The following HEATR1 variants were observed in gnomAD, a reference collection of about 807,000 sequenced individuals.
The protein encoded by HEATR1 is HEAT repeat containing 1.
A neutral mutation model predicts 248.2 loss-of-function variants in HEATR1; 77 were observed. That is an observed-to-expected ratio of 0.31 (90% CI 0.26 to 0.37). The LOEUF is 0.37. HEATR1 is among the 10% of genes least tolerant of loss of function. The pLI is 1.00. For missense variants in HEATR1, 2,420 were observed against 2,504.9 expected (o/e 0.97, Z 0.72); for synonymous variants, 897 against 923.1 (o/e 0.97, Z 0.51).
rs755402822 is a variant in HEATR1 at position 236,583,152 on chromosome 1, C to T, written c.2286G>A (p.Gly762=). 6.2e-7 allele frequency: 1 copy of T among 1,613,270 alleles called. No individual in the cohort carries two copies. The highest frequency in any genetic ancestry group is 1.7e-5 in the Admixed American group (1 of 59,716). ...EWHIELMLDR[G]IPVELWAHYV... ...AATGTGCCCACAGCTCCACTGGGAT[C>T]CCTCTGTCTAACATCAGTTCAATGT... Residue 762 remains glycine (G), a synonymous_variant, in exon 18 of 45, where the codon GGG becomes GGA. Transcript: ENST00000366582.
intron 31 of HEATR1, among the ~76,000 whole-genome samples, chr1:236,565,377 G>C (rs527417141): frequency 6.6e-6 from 1 of 152,258 alleles, no homozygotes; most frequent in African/African-American, 2.4e-5. Context: ...GGCTGGTCTT[G>C]AACTGCGCTA....
chr1:236,557,420 G>A (rs1663008244), intron 36 of HEATR1, 75 bp from the exon 37 acceptor site: 1 of 1,491,814 alleles, frequency 6.7e-7, no homozygotes. Flanking sequence ...AGGGCATTAT[G>A]AAAAAAACCA....
At chr1:236,599,384 T>G in intron 4 of HEATR1, 99 bp downstream of exon 4, 3 of 864,382 alleles carry the variant, frequency 3.5e-6, no homozygotes, top group African/African-American at 1.7e-5. Flanking sequence ...GAGGTAGTTA[T>G]CTGGACTATC....
At chr1:236,573,070 C>T (rs919544527) in intron 24 of HEATR1, among the ~76,000 whole-genome samples, 13 of 152,122 alleles carry the variant, frequency 8.5e-5, no homozygotes, top group Admixed American at 3.9e-4. Context: ...AACATAAATT[C>T]AACTTCAGAT....
At chr1:236,559,511 A>G (rs1044852370) in intron 34 of HEATR1, among the ~76,000 whole-genome samples, 1 of 152,254 alleles carries the variant, frequency 6.6e-6, no homozygotes, top group Non-Finnish European at 1.5e-5. Flanking sequence ...TACGAGGTAC[A>G]TGTTCTCATA....
intron 18 of HEATR1, 60 bp downstream of exon 18, chr1:236,582,953 G>A (rs1324465809): frequency 1.2e-6 from 2 of 1,603,008 alleles, no homozygotes; most frequent in African/African-American, 1.3e-5. Context: ...AGTCATTGTG[G>A]AGTCAATCAT....
Position 236,576,717 on chromosome 1 carries a change from G to C in HEATR1, c.2925+63C>G, listed in dbSNP as rs1412075471. On this transcript the variant is annotated intron_variant, in intron 21 of 44. Transcript: ENST00000366582. ...CCTACACAGTGAAATGTCGAGAATG[G>C]AGAAAATTGCTCCAGTACACAGAGG... 2.1e-6 allele frequency: 3 copies of C among 1,443,062 alleles called. No homozygotes were observed. In the Admixed American group the frequency reaches 6.5e-5, roughly 31 times the overall value. 89.4% of individuals were successfully genotyped at this position (1,443,062 alleles called of 1,614,324 possible). A position where few individuals can be genotyped will look rare whatever the true frequency, so the allele number is the denominator to read the frequency against.
At chr1:236,583,907 CAAACCTGCAGATGATTTTA>C (rs1267412072) in intron 17 of HEATR1, among the ~76,000 whole-genome samples, 2 of 152,112 alleles carry the variant, frequency 1.3e-5, no homozygotes, top group East Asian at 3.8e-4. Flanking sequence ...CAAAAATCTC[CAAACCTGCAGATGATTTTA>C]AACAAGCAGC....
At chr1:236,582,017 G>A (rs75923259) in intron 19 of HEATR1, among the ~76,000 whole-genome samples, 1 of 151,930 alleles carries the variant, frequency 6.6e-6, no homozygotes, top group Non-Finnish European at 1.5e-5. Flanking sequence ...CAGGGCCCGT[G>A]CTATTATATA....
At chr1:236,557,654 C>T (rs1278284734) in intron 36 of HEATR1, among the ~76,000 whole-genome samples, 1 of 152,240 alleles carries the variant, frequency 6.6e-6, no homozygotes, top group Non-Finnish European at 1.5e-5. Flanking sequence ...GAGGTAGATA[C>T]TGTCTCTGTT....
chr1:236,582,737 T>A lies in HEATR1; in HGVS notation c.2561A>T (p.Lys854Met), dbSNP rs1663786139. Residue 854 changes from lysine (K) to methionine (M), a missense_variant and splice_region_variant, in exon 19 of 45, where the codon AAG becomes ATG. Lys to Met is a moderately conservative substitution (Grantham distance 95). Transcript: ENST00000366582. ...HFRVLMKLFI[K>M]VHLEDVFQLF... ...GCCTGAAAAGGAGGAGGCTTGTACC[T>A]TTATGAAAAGTTTCATCAGAACTCT... The A allele has an allele frequency of 6.2e-7, 1 of 1,614,134 alleles. No individual in the cohort carries two copies. The highest frequency in any genetic ancestry group is 1.3e-5 in the African/African-American group (1 of 75,042).
intron 29 of HEATR1, 98 bp downstream of exon 29, chr1:236,568,898 C>CAAA (rs398053926): frequency 2.8e-5 from 15 of 527,108 alleles, no homozygotes; most frequent in Middle Eastern, 6.7e-4. Context: ...AAAAAAAAAA[C>CAAA]AAAAAAAAAA....
intron 20 of HEATR1, among the ~76,000 whole-genome samples, chr1:236,580,270 G>A (rs1433069959): frequency 1.3e-5 from 2 of 152,122 alleles, no homozygotes; most frequent in Admixed American, 6.5e-5. Flanking sequence ...ATTTATGCCC[G>A]ATAAAAGAGA....
chr1:236,549,156 T>C lies in HEATR1; in HGVS notation c.*1746A>G. The C allele has an allele frequency of 2.5e-6, 1 of 396,062 alleles. No individual in the cohort carries two copies. Among genetic ancestry groups the C allele is most frequent in the Non-Finnish European group, 4.4e-6 (1 of 224,916 alleles). The allele number at this position is 396,062 out of a possible 1,614,324, so 24.5% of individuals were successfully genotyped here. ...AGAAATCTGTTTTGTTCCCATGAAA[T>C]CACCAATCAAGGCCTCCGTTCTTCT... is the stretch of plus-strand genomic sequence containing the variant. On this transcript the variant is annotated 3_prime_UTR_variant, in exon 45 of 45. Transcript: ENST00000366582.
In HEATR1 at chr1:236,604,482, T is replaced by C. The variant is rs899550904; in HGVS notation, c.-93A>G. 1 of 163,584 alleles carries C rather than the reference T, an allele frequency of 6.1e-6. No homozygotes were observed. The highest frequency in any genetic ancestry group is 1.3e-5 in the Non-Finnish European group (1 of 76,046). 10.1% of individuals were successfully genotyped at this position (163,584 alleles called of 1,614,324 possible). ...ACAACTCTTCACAGCGCTTCCCACA[T>C]GGTACCAAGGAGCCCAACCCTCACC... On this transcript the variant is annotated 5_prime_UTR_variant, in exon 1 of 45. It removes an upstream start codon present in the reference 5' UTR. Transcript: ENST00000366582.
intron 22 of HEATR1, 24 bp from the exon 23 acceptor site, chr1:236,574,927 T>C: frequency 1.2e-6 from 2 of 1,605,630 alleles, no homozygotes; most frequent in Non-Finnish European, 1.7e-6. Flanking sequence ...GACTTAGTAG[T>C]AAATAGTTAT....
chr1:236,570,261 C>T (rs758666593), intron 28 of HEATR1, among the ~76,000 whole-genome samples: 10 of 152,224 alleles, frequency 6.6e-5, no homozygotes, highest in Middle Eastern at 6.3e-3. Context: ...TGCACTCCAG[C>T]CTCGGCAACA....
At chr1:236,586,104 G>A (rs951116279) in intron 15 of HEATR1, 137 bp downstream of exon 15, 2 of 1,230,530 alleles carry the variant, frequency 1.6e-6, no homozygotes, top group Non-Finnish European at 2.3e-6. Flanking sequence ...CCTTTTCACT[G>A]TATACTTTTT....
At chr1:236,583,662 T>C (rs1003670633) in intron 17 of HEATR1, among the ~76,000 whole-genome samples, 1 of 151,972 alleles carries the variant, frequency 6.6e-6, no homozygotes, top group African/African-American at 2.4e-5. Flanking sequence ...AATTTTTGTA[T>C]CTTTAGTAGA....
Sources: allele counts gnomAD v4.1 joint callset (sites outside exome capture counted in the v4.1 genomes callset), GRCh38; gene constraint gnomAD v4.1.1; transcripts MANE v1.5; gene names NCBI Gene and HGNC (gene_info 2026-07-23, HGNC 2026-07-21).